Variants in TRIP11 observed in about 807,000 individuals in gnomAD.
TRIP11 encodes thyroid hormone receptor interactor 11.
Under a neutral mutation model 223.1 loss-of-function variants are expected in TRIP11, and 148 were observed. The observed-to-expected ratio is 0.66, with a 90% confidence interval of 0.58 to 0.76. The LOEUF is 0.76. Among genes scored for constraint, TRIP11 ranks in the 30% least tolerant of loss-of-function variants. TRIP11 has a pLI of 0.00. For synonymous variants in TRIP11, 762 were observed against 772.6 expected (o/e 0.99, Z 0.23); for missense variants, 2,043 against 2,222.0 (o/e 0.92, Z 1.62).
intron 8 of TRIP11, 117 bp from the exon 9 acceptor site, chr14:92,011,189 A>G (rs2140125727): frequency 1.1e-6 from 1 of 942,868 alleles, no homozygotes; most frequent in South Asian, 1.4e-5. Context: ...ATATGTAGTA[A>G]TTATAAGAAT....
At chr14:92,006,548 A>T in intron 10 of TRIP11, 100 bp from the exon 11 acceptor site, 2 of 1,217,704 alleles carry the variant, frequency 1.6e-6, no homozygotes, top group Non-Finnish European at 2.3e-6. Context: ...ATAATCCTCA[A>T]ATATTTCTAA....
chr14:92,006,487 C>T (rs1368842460), intron 10 of TRIP11, 39 bp from the exon 11 acceptor site: 8 of 1,605,798 alleles, frequency 5.0e-6, no homozygotes, highest in Non-Finnish European at 6.8e-6. Context: ...ACAACATGTT[C>T]TCATTTTAGT....
intron 2 of TRIP11, among the ~76,000 whole-genome samples, chr14:92,030,259 A>G (rs2057248299): frequency 6.6e-6 from 1 of 152,168 alleles, no homozygotes; most frequent in East Asian, 1.9e-4. Flanking sequence ...TTTTAAGAAC[A>G]AAAAAGAAAT....
intron 1 of TRIP11, among the ~76,000 whole-genome samples, chr14:92,035,361 A>G (rs922328897): frequency 6.6e-6 from 1 of 151,478 alleles, no homozygotes; most frequent in Non-Finnish European, 1.5e-5. Context: ...CCAGAGTTAG[A>G]TTTTTTTTCT....
intron 2 of TRIP11, chr14:92,030,701 T>A (rs1168425809): frequency 2.0e-5 from 3 of 152,150 alleles, no homozygotes; most frequent in Admixed American, 1.3e-4. Flanking sequence ...TCTTTCATCA[T>A]GTATATTTGT....
intron 13 of TRIP11, among the ~76,000 whole-genome samples, chr14:91,997,542 T>C (rs1436899928): frequency 6.6e-6 from 1 of 152,058 alleles, no homozygotes; most frequent in East Asian, 1.9e-4. Context: ...AGTGGGGTGC[T>C]AAATAAAGCA....
rs2056860416 is a variant in TRIP11, at chr14:92,003,847, T to G, written c.4129A>C (p.Ile1377Leu). 6.2e-7 allele frequency: 1 copy of G among 1,613,988 alleles called. No individual in the cohort carries two copies. The highest frequency in any genetic ancestry group is 1.3e-5 in the African/African-American group (1 of 74,942). Residue 1377 changes from isoleucine to leucine, a missense_variant, in exon 11 of 21, where the codon ATT becomes CTT. Transcript: ENST00000267622. ...CTTTCTAGCTCTGAGGTGGCAGCAATCGAATCAGACAATCTGTGGTTATTT... is the reference window on the plus strand; with the variant it reads ...CTTTCTAGCTCTGAGGTGGCAGCAAGCGAATCAGACAATCTGTGGTTATTT... ...QENNHRLSDS[I>L]AATSELERKE...
chr14:92,007,014 C>T (rs1424032927), intron 10 of TRIP11, among the ~76,000 whole-genome samples: 1 of 149,000 alleles, frequency 6.7e-6, no homozygotes, highest in East Asian at 2.0e-4. Flanking sequence ...AATTTAAAAC[C>T]AAAGATGGTA....
chr14:91,976,023 T>A, intron 17 of TRIP11, 85 bp downstream of exon 17: 1 of 1,314,994 alleles, frequency 7.6e-7, no homozygotes, highest in East Asian at 2.4e-5. Flanking sequence ...TTTAATCACA[T>A]ATAAACATCT....
rs937755886 is a variant in TRIP11, at chr14:92,037,081, C to T, written c.139+2466G>A. On this transcript the variant is annotated intron_variant, in intron 1 of 20. Coordinates refer to ENST00000267622, the MANE Select transcript of TRIP11 (RefSeq NM_004239.4). This position sits in a 1 kb window ranked among gnomAD's most constrained non-coding sequence, Gnocchi z 4.2. ...CAATAAATTAGGTGTTAAGCAAGTC[C>T]GATTGAAATACAAAGGGGAAAGAAT... Among the ~76,000 whole-genome samples the T allele has an allele frequency of 2.0e-5, 3 of 152,216 alleles. No individual in the cohort carries two copies. Among genetic ancestry groups the T allele is most frequent in the East Asian group, 1.9e-4 (1 of 5,190 alleles).
rs894810276 is a variant in TRIP11 at position 91,967,951 on chromosome 14, T to C, written c.*1722A>G. 5 of 200,644 alleles carry C rather than the reference T, an allele frequency of 2.5e-5. No homozygotes were observed. The highest frequency in any genetic ancestry group is 6.9e-5 in the African/African-American group (3 of 43,462). 12.4% of individuals were successfully genotyped at this position (200,644 alleles called of 1,614,324 possible). A position where few individuals can be genotyped will look rare whatever the true frequency, so the allele number is the denominator to read the frequency against. On this transcript the variant is annotated 3_prime_UTR_variant, in exon 21 of 21. Coordinates refer to ENST00000267622, the MANE Select transcript of TRIP11 (RefSeq NM_004239.4). ...TTGCATGACAACTTCCTTTAAAGTATAGTAAATAAAGAATGGCAATATAAA... is the reference window on the plus strand; with the variant it reads ...TTGCATGACAACTTCCTTTAAAGTACAGTAAATAAAGAATGGCAATATAAA...
chr14:92,003,380 C>T, intron 11 of TRIP11, 39 bp downstream of exon 11: 2 of 1,609,222 alleles, frequency 1.2e-6, no homozygotes, highest in Middle Eastern at 1.7e-4. Context: ...GTCTCCTCCA[C>T]CCCCAACTTC....
In TRIP11 at chr14:92,025,347, T is replaced by C. The variant is rs752533535; in HGVS notation, c.275A>G (p.Gln92Arg). 1 of 1,613,670 alleles carries C rather than the reference T, an allele frequency of 6.2e-7. No homozygotes were observed. Among genetic ancestry groups the C allele is most frequent in the Non-Finnish European group, 8.5e-7 (1 of 1,179,926 alleles). ...HEASEIQIKQQSTSYRNQLQQ... is the reference protein window; with the variant it reads ...HEASEIQIKQRSTSYRNQLQQ... ...AAGTTGATTTCGGTAACTTGTAGATTGCTGCTTTATTTGAATCTCTGATGC... is the reference window on the plus strand; with the variant it reads ...AAGTTGATTTCGGTAACTTGTAGATCGCTGCTTTATTTGAATCTCTGATGC... The change falls in exon 3 of 21, where the codon CAA becomes CGA. Residue 92 changes from glutamine to arginine, a missense_variant. Gln to Arg is a conservative substitution (Grantham distance 43). Transcript: ENST00000267622.
At chr14:92,019,598 T>C (rs913409126) in intron 4 of TRIP11, among the ~76,000 whole-genome samples, 1 of 152,358 alleles carries the variant, frequency 6.6e-6, no homozygotes, top group African/African-American at 2.4e-5. Context: ...AAATAATCTC[T>C]TTACTCATGT....
At chr14:91,983,680 A>G (rs1595371114) in intron 16 of TRIP11, among the ~76,000 whole-genome samples, 1 of 152,318 alleles carries the variant, frequency 6.6e-6, no homozygotes, top group East Asian at 1.9e-4. Context: ...ATTTATGGCA[A>G]CTCAGAAAAC....
chr14:92,017,682 C>T lies in TRIP11; in HGVS notation c.657G>A (p.Lys219=), dbSNP rs1217661752. The T allele has an allele frequency of 2.5e-6, 4 of 1,609,384 alleles. No individual in the cohort carries two copies. Among genetic ancestry groups the T allele is most frequent in the African/African-American group, 2.7e-5 (2 of 74,828 alleles). The change falls in exon 5 of 21, where the codon AAG becomes AAA. Residue 219 remains lysine, a splice_region_variant and synonymous_variant. Coordinates refer to ENST00000267622, the MANE Select transcript of TRIP11 (RefSeq NM_004239.4). ...SEICKLQNII[K]ELKQNRSQEI... ...ATCATCAATCAACAATTTGACTTAC[C>T]TTAATGATATTTTGTAGTTTACATA...
chr14:91,976,087 C>CTT (rs750099579), intron 17 of TRIP11, 21 bp downstream of exon 17: 3 of 1,606,932 alleles, frequency 1.9e-6, no homozygotes, highest in Non-Finnish European at 2.5e-6. Context: ...AATATACAAA[C>CTT]ATTAAAAGCA....
intron 1 of TRIP11, among the ~76,000 whole-genome samples, chr14:92,033,823 G>A (rs562240468): frequency 6.6e-6 from 1 of 152,190 alleles, no homozygotes; most frequent in South Asian, 2.1e-4. Context: ...GTGTTTTTTT[G>A]TAGTGCTTAT....
Position 92,006,208 on chromosome 14 carries a change from C to A in TRIP11, c.1768G>T (p.Asp590Tyr). The part of the protein sequence containing the change: ...KLEDKVENLV[D>Y]QLNKSQESNV... ...CTTTCTTGTGATTTATTTAGCTGAT[C>A]TACTAAATTTTCTACTTTGTCCTCA... The change falls in exon 11 of 21, where the codon GAT (aspartate) becomes TAT (tyrosine). Residue 590 changes from aspartate to tyrosine, a missense_variant. Physicochemically the swap from Asp to Tyr is radical, Grantham distance 160 (BLOSUM62 -3). Transcript: ENST00000267622. 1.2e-6 allele frequency: 2 copies of A among 1,613,272 alleles called. No individual in the cohort carries two copies. Among genetic ancestry groups the A allele is most frequent in the Non-Finnish European group, 1.7e-6 (2 of 1,179,784 alleles).
Sources: allele counts gnomAD v4.1 joint callset (sites outside exome capture counted in the v4.1 genomes callset), GRCh38; gene constraint gnomAD v4.1.1; non-coding constraint Gnocchi (gnomAD v3.1); transcripts MANE v1.5; gene names NCBI Gene and HGNC (gene_info 2026-07-23, HGNC 2026-07-21).